ZDHHC14: variants seen among roughly 807,000 people sequenced by gnomAD.
ZDHHC14 encodes the protein palmitoyltransferase ZDHHC14.
ZDHHC14 carries 16 observed loss-of-function variants against 47.7 expected under a neutral mutation model. That is an observed-to-expected ratio of 0.34 (90% confidence interval 0.23 to 0.51). The LOEUF is 0.51. Among genes scored for constraint, ZDHHC14 ranks in the 20% least tolerant of loss-of-function variants. The pLI is 0.97. For synonymous variants in ZDHHC14, 293 were observed against 278.9 expected (o/e 1.05, Z -0.50); for missense variants, 515 against 662.5 (o/e 0.78, Z 2.44).
intron 7 of ZDHHC14, among the ~76,000 whole-genome samples, chr6:157,653,306 C>G (rs1314477170): frequency 1.3e-5 from 2 of 152,124 alleles, no homozygotes; most frequent in African/African-American, 4.8e-5. Flanking sequence ...CGCCCTTGGC[C>G]TGGCGAGGAG....
intron 1 of ZDHHC14, among the ~76,000 whole-genome samples, chr6:157,492,974 G>A (rs1388370795): frequency 6.6e-6 from 1 of 152,182 alleles, no homozygotes; most frequent in African/African-American, 2.4e-5. Flanking sequence ...TACAGCAGGG[G>A]AGGGTCCTGG....
At chr6:157,562,127 G>T (rs948592282) in intron 2 of ZDHHC14, among the ~76,000 whole-genome samples, 1 of 152,188 alleles carries the variant, frequency 6.6e-6, no homozygotes, top group African/African-American at 2.4e-5. Context: ...CATGTGTGGG[G>T]CAGTCAGACG....
chr6:157,553,156 A>T (rs1319396365), intron 2 of ZDHHC14, among the ~76,000 whole-genome samples: 2 of 152,150 alleles, frequency 1.3e-5, no homozygotes, highest in Non-Finnish European at 2.9e-5. Flanking sequence ...GCTTCTGGCT[A>T]AACCAACCTA....
chr6:157,468,243 A>G (rs571170432), intron 1 of ZDHHC14, among the ~76,000 whole-genome samples: 3 of 152,182 alleles, frequency 2.0e-5, no homozygotes, highest in Non-Finnish European at 4.4e-5. Context: ...AGCCCCTCTG[A>G]CCTAATTCGT....
At chr6:157,464,084 T>C (rs1197308074) in intron 1 of ZDHHC14, among the ~76,000 whole-genome samples, 1 of 152,192 alleles carries the variant, frequency 6.6e-6, no homozygotes, top group East Asian at 1.9e-4. Flanking sequence ...AAAGTTGTAG[T>C]AAGCAAAGGT....
intron 1 of ZDHHC14, among the ~76,000 whole-genome samples, chr6:157,404,716 G>A (rs1777709568): frequency 6.6e-6 from 1 of 152,084 alleles, no homozygotes; most frequent in African/African-American, 2.4e-5. Context: ...TGGAAGCTGG[G>A]TCCTTGTCTT....
At chr6:157,646,690 C>G (rs892593880) in intron 6 of ZDHHC14, among the ~76,000 whole-genome samples, 5 of 151,502 alleles carry the variant, frequency 3.3e-5, no homozygotes, top group African/African-American at 4.9e-5. Flanking sequence ...GCTCTTTATA[C>G]TTAGATTTTG....
intron 1 of ZDHHC14, among the ~76,000 whole-genome samples, chr6:157,408,827 T>G (rs1242755277): frequency 6.6e-6 from 1 of 152,204 alleles, no homozygotes; most frequent in Non-Finnish European, 1.5e-5. Flanking sequence ...TACCCAGTAA[T>G]GGGTTTGCTG....
chr6:157,638,670 C>T (rs1166794862), intron 5 of ZDHHC14, among the ~76,000 whole-genome samples: 1 of 152,220 alleles, frequency 6.6e-6, no homozygotes, highest in Non-Finnish European at 1.5e-5. Flanking sequence ...AGGATGACAG[C>T]GGGGAGACAC....
chr6:157,430,106 A>G (rs1266187060), intron 1 of ZDHHC14, among the ~76,000 whole-genome samples: 1 of 152,086 alleles, frequency 6.6e-6, no homozygotes, highest in African/African-American at 2.4e-5. Flanking sequence ...CACGAGGTCA[A>G]GAGATTGAGA....
chr6:157,460,405 GAAAAAAAAAA>G (rs1164382844), intron 1 of ZDHHC14, among the ~76,000 whole-genome samples: 31 of 43,390 alleles, frequency 7.1e-4, no homozygotes, highest in Admixed American at 1.4e-3. Context: ...TCTCTCTCTG[GAAAAAAAAAA>G]AAAAAAAAAA....
chr6:157,552,332 C>CGGCAG (rs1473699120), intron 2 of ZDHHC14, among the ~76,000 whole-genome samples: 1 of 151,932 alleles, frequency 6.6e-6, no homozygotes, highest in African/African-American at 2.4e-5. Flanking sequence ...CATGCAGAGT[C>CGGCAG]GGCAGGGCAG....
chr6:157,515,329 C>T (rs1780643671), intron 1 of ZDHHC14, among the ~76,000 whole-genome samples: 1 of 152,200 alleles, frequency 6.6e-6, no homozygotes, highest in African/African-American at 2.4e-5. Context: ...TCCAGCAGAG[C>T]ACAGTGTAAC....
intron 1 of ZDHHC14, among the ~76,000 whole-genome samples, chr6:157,440,162 T>TTAATAATAATAATAATAA (rs199803371): frequency 1.9e-4 from 28 of 148,006 alleles, no homozygotes; most frequent in African/African-American, 7.0e-4. Context: ...CCCTGGAACT[T>TTAATAATAATAATAATAA]TAATAATAAT....
At chr6:157,653,018 G>T (rs1777910909) in intron 7 of ZDHHC14, among the ~76,000 whole-genome samples, 1 of 152,162 alleles carries the variant, frequency 6.6e-6, no homozygotes, top group African/African-American at 2.4e-5. Flanking sequence ...AAGAGAGGGG[G>T]GAAGAGTCCA....
intron 5 of ZDHHC14, among the ~76,000 whole-genome samples, chr6:157,642,723 A>G (rs1214080572): frequency 2.0e-5 from 3 of 152,264 alleles, no homozygotes; most frequent in Admixed American, 6.5e-5. Flanking sequence ...TTTCTAAAAA[A>G]AGACGGTAAA....
At chr6:157,503,447 T>C (rs962561454) in intron 1 of ZDHHC14, among the ~76,000 whole-genome samples, 40 of 152,202 alleles carry the variant, frequency 2.6e-4, no homozygotes, top group African/African-American at 8.7e-4. Flanking sequence ...TCCCTTAGAC[T>C]ATCCATGCCC....
At position 157,677,013 on chromosome 6, in the gene ZDHHC14, A is replaced by G. The variant is rs937710709; in HGVS notation, c.*3891A>G. The stretch of plus-strand genomic sequence containing the variant: ...GTAAGAAAAGAATAAAGGAGAACAA[A>G]TATTAAATACTCTTTTCTAATTGAT... On this transcript the variant is annotated 3_prime_UTR_variant, in exon 9 of 9. Coordinates refer to ENST00000359775, the MANE Select transcript of ZDHHC14 (RefSeq NM_024630.3). 2.0e-5 allele frequency: 3 copies of G among 152,246 alleles called. No homozygotes were observed. Among genetic ancestry groups the G allele is most frequent in the Admixed American group, 6.5e-5 (1 of 15,284 alleles). The allele number at this position is 152,246 out of a possible 1,614,324, so 9.4% of individuals were successfully genotyped here. A position where few individuals can be genotyped will look rare whatever the true frequency, so the allele number is the denominator to read the frequency against.
intron 2 of ZDHHC14, among the ~76,000 whole-genome samples, chr6:157,549,724 C>A (rs1287179233): frequency 6.6e-6 from 1 of 152,092 alleles, no homozygotes; most frequent in Non-Finnish European, 1.5e-5. Context: ...GGAAATACCA[C>A]AAGATTTTGA....
Sources: gnomAD v4.1 joint callset for allele counts (sites outside exome capture counted in the v4.1 genomes callset) on GRCh38, gnomAD v4.1.1 for gene constraint, MANE v1.5 for transcripts, NCBI Gene and HGNC (gene_info 2026-07-23, HGNC 2026-07-21) for gene names.